TTN: variants seen among roughly 807,000 people sequenced by gnomAD.
The protein encoded by TTN is titin.
TTN carries 1,525 observed loss-of-function variants against 3,223.0 expected under a neutral mutation model. The ratio of observed to expected loss-of-function variants is 0.47; its 90% confidence interval spans 0.45 to 0.49. The LOEUF is 0.49. Ranked by LOEUF, TTN falls within the 20% of genes least tolerant of loss-of-function variation. The pLI is 0.00. For synonymous variants in TTN, 14,094 were observed against 15,161.0 expected (o/e 0.93, Z 5.17); for missense variants, 40,786 against 43,424.0 (o/e 0.94, Z 5.40).
At position 178,654,277 on chromosome 2, in the gene TTN, T is replaced by C. The variant is rs551811137; in HGVS notation, c.38311A>G (p.Lys12771Glu). The C allele has an allele frequency of 1.6e-4, 256 of 1,598,902 alleles. 11 individuals carry two copies. The African/African-American group carries it at 2.5e-3, about 15-fold the overall frequency. The change falls in exon 193 of 363, where the codon AAA becomes GAA. Residue 12771 changes from lysine (K) to glutamate (E), a missense_variant. Physicochemically the swap from Lys to Glu is moderately conservative, Grantham distance 56 (BLOSUM62 1). Coordinates refer to ENST00000589042, the MANE Select transcript of TTN (RefSeq NM_001267550.2). ...ACTTTCTTTTCAAGTACAACTTCTTTAGGAGCTTCAGGAACTTTGAAGATA... is the reference window on the plus strand; with the variant it reads ...ACTTTCTTTTCAAGTACAACTTCTTCAGGAGCTTCAGGAACTTTGAAGATA... ...APPPKVPEAP[K>E]EVVLEKKVSV...
At chr2:178,619,023 G>A in intron 250 of TTN, 170 bp from the exon 251 acceptor site, 2 of 866,022 alleles carry the variant, frequency 2.3e-6, no homozygotes, top group Non-Finnish European at 3.4e-6. Flanking sequence ...GCTTTTTGTT[G>A]TTGTTGTGCG....
chr2:178,756,391 G>GT lies in TTN; in HGVS notation c.11084dup (p.His3695GlnfsTer27), dbSNP rs772519028. On this transcript the variant is annotated frameshift_variant, in exon 46 of 363. Coordinates refer to ENST00000589042, the MANE Select transcript of TTN (RefSeq NM_001267550.2). LOFTEE classifies it high-confidence loss of function. The stretch of plus-strand genomic sequence containing the variant: ...CGGATTCCTCTATCTTTGCACCTTC[G>GT]TGAGTCCAGGTTACATCAATGAAAG... 6.2e-7 allele frequency: 1 copy of GT among 1,613,664 alleles called. No homozygotes were observed. Among genetic ancestry groups the GT allele is most frequent in the Non-Finnish European group, 8.5e-7 (1 of 1,179,808 alleles).
At position 178,751,480 on chromosome 2, in the gene TTN, A is replaced by G. The variant is rs142585268; in HGVS notation, c.11311+1644T>C. ...CCACATCTTGTTTTTTGTTAAAGGG[A>G]GAGCCAGTAAACCTCAGGTCAACCT... is the stretch of plus-strand genomic sequence containing the variant. On this transcript the variant is annotated intron_variant, in intron 47 of 362. Transcript: ENST00000589042. 1.1e-3 allele frequency: 1,753 copies of G among 1,613,302 alleles called. 2 individuals carry two copies. Among genetic ancestry groups the G allele is most frequent in the Non-Finnish European group, 1.4e-3 (1,668 of 1,179,506 alleles).
At chr2:178,707,907 A>C in intron 99 of TTN, 94 bp from the exon 100 acceptor site, 1 of 1,298,060 alleles carries the variant, frequency 7.7e-7, no homozygotes, top group Non-Finnish European at 1.1e-6. Flanking sequence ...CTGGCCTCTA[A>C]CAGGTAACAC....
chr2:178,744,751 C>T, intron 47 of TTN: 1 of 984,818 alleles, frequency 1.0e-6, no homozygotes, highest in Non-Finnish European at 1.2e-6. Flanking sequence ...TATGTAAACA[C>T]AATATGATAG....
chr2:178,640,207 T>C (rs2061048533), intron 221 of TTN, 97 bp from the exon 222 acceptor site: 1 of 1,080,658 alleles, frequency 9.3e-7, no homozygotes, highest in Non-Finnish European at 1.4e-6. Context: ...TTGGAAGATA[T>C]TAGAATTTAT....
chr2:178,704,918 C>T lies in TTN; in HGVS notation c.29653G>A (p.Glu9885Lys). 1 of 1,613,332 alleles carries T rather than the reference C, an allele frequency of 6.2e-7. No individual in the cohort carries two copies. The highest frequency in any genetic ancestry group is 8.5e-7 in the Non-Finnish European group (1 of 1,179,778). Reference protein sequence around the residue: ...RSERDEKEFEELVSFIQQRLS... With the variant: ...RSERDEKEFEKLVSFIQQRLS... ...CTTTGCTGAATAAATGATACAAGTT[C>T]CTCAAATTCCTTTTCGTCCCTCTCT... Residue 9885 changes from glutamate (E) to lysine (K), a missense_variant, in exon 104 of 363, where the codon GAA becomes AAA. By Grantham distance (56) the Glu-to-Lys change is moderately conservative. Transcript: ENST00000589042.
Position 178,592,545 on chromosome 2 carries a change from C to T in TTN, c.59460G>A (p.Trp19820Ter), listed in dbSNP as rs1250461669. The T allele has an allele frequency of 1.2e-6, 2 of 1,613,298 alleles. No homozygotes were observed. The highest frequency in any genetic ancestry group is 1.7e-6 in the Non-Finnish European group (2 of 1,179,572). The change falls in exon 301 of 363, where the codon TGG becomes TGA. Residue 19820 changes from tryptophan (W) to a stop codon, truncating the protein, a stop_gained. Transcript: ENST00000589042. LOFTEE classifies it high-confidence loss of function. ...IKGVPFPKVTWKKEDRDAPTK... is the reference protein window; with the variant it reads ...IKGVPFPKVT ...TTGGAGCATCTCTGTCTTCTTTTTTCCAAGTTACTTTTGGGAATGGCACTC... is the reference window on the plus strand; with the variant it reads ...TTGGAGCATCTCTGTCTTCTTTTTTTCAAGTTACTTTTGGGAATGGCACTC...
chr2:178,574,217 A>G lies in TTN; in HGVS notation c.71915T>C (p.Leu23972Pro). The G allele has an allele frequency of 6.2e-7, 1 of 1,613,460 alleles. No homozygotes were observed. The highest frequency in any genetic ancestry group is 1.7e-5 in the Admixed American group (1 of 59,998). The part of the protein sequence containing the change: ...EKRDLPNGRW[L>P]KANFSNILEN... ...CAAAATGTTGCTGAAGTTGGCCTTC[A>G]GCCACCGTCCATTAGGAAGGTCTCT... is the stretch of plus-strand genomic sequence containing the variant. Residue 23972 changes from leucine to proline, a missense_variant, in exon 326 of 363, where the codon CTG becomes CCG. Leu to Pro is a moderately conservative substitution (Grantham distance 98). Transcript: ENST00000589042.
intron 44 of TTN, chr2:178,758,690 G>T (rs746630994): frequency 7.4e-6 from 3 of 403,830 alleles, no homozygotes; most frequent in African/African-American, 4.0e-5. Context: ...AGCATATTTC[G>T]CCCCCTTCTG....
chr2:178,542,579 A>G lies in TTN; in HGVS notation c.97193-16T>C, dbSNP rs371317486. On this transcript the variant is annotated splice_polypyrimidine_tract_variant and intron_variant, in intron 348 of 362. Coordinates refer to ENST00000589042, the MANE Select transcript of TTN (RefSeq NM_001267550.2). ...CCAGGCTTGTCTATGAAAGAGAAGA[A>G]ATACAGGAAATTAATTTTTACTTCA... 6.3e-7 allele frequency: 1 copy of G among 1,591,958 alleles called. No individual in the cohort carries two copies. Among genetic ancestry groups the G allele is most frequent in the South Asian group, 1.1e-5 (1 of 88,146 alleles).
At chr2:178,794,591 A>T (rs755400099) in intron 7 of TTN, 40 bp from the exon 8 acceptor site, 15 of 1,613,452 alleles carry the variant, frequency 9.3e-6, no homozygotes. Context: ...TTTTTAAATG[A>T]CATGCCCAGT....
At position 178,720,617 on chromosome 2, in the gene TTN, T is replaced by C. The variant is rs1192222818; in HGVS notation, c.23145A>G (p.Lys7715=). The C allele has an allele frequency of 1.9e-6, 3 of 1,610,552 alleles. No individual in the cohort carries two copies. Among genetic ancestry groups the C allele is most frequent in the Admixed American group, 1.7e-5 (1 of 59,556 alleles). The change falls in exon 80 of 363, where the codon AAA becomes AAG. Residue 7715 remains lysine, a synonymous_variant. Transcript: ENST00000589042. ...CACATTGGAGAATCACATCAGAACC[T>C]TTAAGAGCTCCTACTGGAGAAGGCT... ...TQKPSPVGAL[K]GSDVILQCEI...
At chr2:178,528,177 A>T in intron 361 of TTN, 97 bp downstream of exon 361, 1 of 1,365,802 alleles carries the variant, frequency 7.3e-7, no homozygotes, top group Non-Finnish European at 9.9e-7. Context: ...CATGGAATTT[A>T]ATAAGGCTTC....
chr2:178,630,822 C>G lies in TTN; in HGVS notation c.44136G>C (p.Glu14712Asp). The G allele has an allele frequency of 6.2e-7, 1 of 1,613,018 alleles. No individual in the cohort carries two copies. Among genetic ancestry groups the G allele is most frequent in the Non-Finnish European group, 8.5e-7 (1 of 1,179,348 alleles). ...GCCTTACAGGTGTTTGGAGTAGGGC[C>G]TCTCCCTTGAGTTTCCAGTTGGCGT... ...DIHANWKLKG[E>D]ALLQTPDCEI... The change falls in exon 238 of 363, where the codon GAG (glutamate) becomes GAC (aspartate). Residue 14712 changes from glutamate to aspartate, a missense_variant. By Grantham distance (45) the Glu-to-Asp change is conservative. Transcript: ENST00000589042.
chr2:178,719,126 G>A, intron 83 of TTN, 38 bp downstream of exon 83: 1 of 1,582,892 alleles, frequency 6.3e-7, no homozygotes, highest in South Asian at 1.2e-5. Context: ...CATGAAAGAG[G>A]TGTTAGAGAA....
At position 178,577,749 on chromosome 2, in the gene TTN, G is replaced by A; in HGVS notation, c.68677C>T (p.His22893Tyr). The A allele has an allele frequency of 6.2e-7, 1 of 1,613,338 alleles. No individual in the cohort carries two copies. ...AAGGCACATTCTGGGACATTAACATGGTTGGCTTTCATCCAAGACTTCGAA... is the reference window on the plus strand; with the variant it reads ...AAGGCACATTCTGGGACATTAACATAGTTGGCTTTCATCCAAGACTTCGAA... ...LPSKSWMKANHVNVPECAFTV... is the reference protein window; with the variant it reads ...LPSKSWMKANYVNVPECAFTV... Residue 22893 changes from histidine (H) to tyrosine (Y), a missense_variant, in exon 323 of 363, where the codon CAT (histidine) becomes TAT (tyrosine). His to Tyr is a moderately conservative substitution (Grantham distance 83, BLOSUM62 2). Transcript: ENST00000589042.
Position 178,773,933 on chromosome 2 carries a change from A to C in TTN, c.7235T>G (p.Leu2412Arg). The C allele has an allele frequency of 6.2e-7, 1 of 1,614,152 alleles. No individual in the cohort carries two copies. The highest frequency in any genetic ancestry group is 8.5e-7 in the Non-Finnish European group (1 of 1,179,996). The change falls in exon 31 of 363, where the codon CTG becomes CGG. Residue 2412 changes from leucine (L) to arginine (R), a missense_variant. Transcript: ENST00000589042. The part of the protein sequence containing the change: ...HIVIDKQSHM[L>R]LIEDMTKEDA... Reference sequence around the variant, plus strand: ...TTCCTTAGTCATGTCTTCAATGAGCAGCATATGAGATTGTTTGTCTATCAC... The same window carrying C: ...TTCCTTAGTCATGTCTTCAATGAGCCGCATATGAGATTGTTTGTCTATCAC...
intron 96 of TTN, 116 bp from the exon 97 acceptor site, chr2:178,711,465 A>C (rs961663561): frequency 1.9e-5 from 23 of 1,184,280 alleles, no homozygotes; most frequent in Non-Finnish European, 2.5e-5. Flanking sequence ...AGGAATTATT[A>C]ATGTCTCTTG....
Sources: allele counts gnomAD v4.1 joint callset, GRCh38; gene constraint gnomAD v4.1.1; transcripts MANE v1.5; gene names NCBI Gene and HGNC (gene_info 2026-07-23, HGNC 2026-07-21).